AACS: variants seen among roughly 807,000 people sequenced by gnomAD.
The protein encoded by AACS is acetoacetate-CoA ligase.
In AACS, 69 loss-of-function variants were observed where a neutral mutation model predicts 83.1. The ratio of observed to expected loss-of-function variants is 0.83; its 90% CI spans 0.68 to 1.01. The LOEUF is 1.01. AACS is among the 50% of genes least tolerant of loss of function. The pLI, the probability that AACS is intolerant of heterozygous loss-of-function variation, is 0.00. For synonymous variants in AACS, 333 were observed against 343.4 expected (o/e 0.97, Z 0.33); for missense variants, 866 against 882.2 (o/e 0.98, Z 0.23).
At position 125,091,536 on chromosome 12, in the gene AACS, C is replaced by G; in HGVS notation, c.570+13C>G. 6.2e-7 allele frequency: 1 copy of G among 1,613,648 alleles called. No individual in the cohort carries two copies. The highest frequency in any genetic ancestry group is 8.5e-7 in the Non-Finnish European group (1 of 1,179,528). ...CTTCGGTGTGAATGTGAGTCAGGGTCTGTGACAGAGGGGGCACCCCTTGCC... is the reference window on the plus strand; with the variant it reads ...CTTCGGTGTGAATGTGAGTCAGGGTGTGTGACAGAGGGGGCACCCCTTGCC... On this transcript the variant is annotated intron_variant, in intron 5 of 17. Transcript: ENST00000316519.
chr12:125,086,338 A>C lies in AACS; in HGVS notation c.367A>C (p.Lys123Gln). Residue 123 changes from lysine to glutamine, a missense_variant, in exon 4 of 18, where the codon AAA becomes CAA. Coordinates refer to ENST00000316519, the MANE Select transcript of AACS (RefSeq NM_023928.5). ...RVALYIAREG[K>Q]EEIVKVTFEE... is the part of the protein sequence containing the mutation. ...CCTTTTTCTCTTCCCAGGGGAAGGC[A>C]AAGAGGAAATTGTGAAGGTGACTTT... is the stretch of plus-strand genomic sequence containing the variant. The C allele has an allele frequency of 6.2e-7, 1 of 1,614,140 alleles. No individual in the cohort carries two copies.
intron 3 of AACS, among the ~76,000 whole-genome samples, chr12:125,086,025 A>G (rs951045270): frequency 6.6e-6 from 1 of 152,160 alleles, no homozygotes; most frequent in African/African-American, 2.4e-5. Context: ...TCCTGGGCTC[A>G]AGCAGTCCTC....
intron 10 of AACS, chr12:125,123,527 A>G (rs1223728326): frequency 6.6e-6 from 1 of 152,250 alleles, no homozygotes; most frequent in Non-Finnish European, 1.5e-5. Context: ...TGGAAGGACC[A>G]TGGTAACCCG....
Position 125,114,654 on chromosome 12 carries a change from G to A in AACS, c.996+97G>A, listed in dbSNP as rs183700099. On this transcript the variant is annotated intron_variant, in intron 9 of 17. Transcript: ENST00000316519. Reference sequence around the variant, plus strand: ...CATAGTAAGGACTTCCCCAGGCGCCGGCCCGTGGCACATGGTAAGGGCTTC... The same window carrying A: ...CATAGTAAGGACTTCCCCAGGCGCCAGCCCGTGGCACATGGTAAGGGCTTC... The A allele has an allele frequency of 3.2e-3, 3,322 of 1,031,822 alleles. 33 individuals carry two copies. Among genetic ancestry groups the A allele is most frequent in the Middle Eastern group, 9.3e-3 (31 of 3,322 alleles). The allele number at this position is 1,031,822 out of a possible 1,614,324, so 63.9% of individuals were successfully genotyped here. A position where few individuals can be genotyped will look rare whatever the true frequency, so the allele number is the denominator to read the frequency against.
chr12:125,080,776 C>T (rs903222092), intron 3 of AACS, among the ~76,000 whole-genome samples: 5 of 151,888 alleles, frequency 3.3e-5, no homozygotes, highest in African/African-American at 1.2e-4. Flanking sequence ...ACTGCAAGCT[C>T]CTCCTCCCGG....
intron 4 of AACS, among the ~76,000 whole-genome samples, chr12:125,089,405 C>G (rs1956412080): frequency 6.6e-6 from 1 of 152,156 alleles, no homozygotes; most frequent in Non-Finnish European, 1.5e-5. Context: ...TCTGATGAGG[C>G]CTTGTTCATG....
At chr12:125,114,847 ACATGGTAAGGGCTTCCCCG>A (rs1158391614) in intron 9 of AACS, among the ~76,000 whole-genome samples, 5 of 148,018 alleles carry the variant, frequency 3.4e-5, no homozygotes, top group Non-Finnish European at 7.4e-5. Flanking sequence ...GGCCCGTGGC[ACATGGTAAGGGCTTCCCCG>A]GGCGCCGGCC....
chr12:125,124,812 A>C (rs1957219404), intron 11 of AACS, 43 bp downstream of exon 11: 1 of 1,613,940 alleles, frequency 6.2e-7, no homozygotes, highest in Admixed American at 1.7e-5. Context: ...ACTGCCAATC[A>C]AGGAAATTAA....
In AACS at chr12:125,133,878, A is replaced by T. The variant is rs533703016; in HGVS notation, c.1550-125A>T. On this transcript the variant is annotated intron_variant, in intron 14 of 17. Coordinates refer to ENST00000316519, the MANE Select transcript of AACS (RefSeq NM_023928.5). The stretch of plus-strand genomic sequence containing the variant: ...AACTGTCTGGCTCCCTCTGGCCCCC[A>T]GCCCCATGCCAGACCTGCCTCTGGG... The T allele has an allele frequency of 7.7e-6, 7 of 910,350 alleles. No homozygotes were observed. The East Asian group carries it at 1.8e-4, about 24-fold the overall frequency. 56.4% of individuals were successfully genotyped at this position (910,350 alleles called of 1,614,324 possible).
chr12:125,103,147 C>A, intron 7 of AACS, 66 bp downstream of exon 7: 1 of 1,379,840 alleles, frequency 7.2e-7, no homozygotes, highest in Non-Finnish European at 1.0e-6. Flanking sequence ...GGGAAGTAGG[C>A]CTCTGGATCT....
At chr12:125,071,411 T>G (rs2136031190) in intron 1 of AACS, among the ~76,000 whole-genome samples, 1 of 152,218 alleles carries the variant, frequency 6.6e-6, no homozygotes, top group East Asian at 1.9e-4. Context: ...TACTCACTTT[T>G]CTCAGGAGAA....
chr12:125,125,049 T>A (rs1415767654), intron 12 of AACS, 25 bp downstream of exon 12: 11 of 1,613,480 alleles, frequency 6.8e-6, no homozygotes, highest in Non-Finnish European at 9.3e-6. Flanking sequence ...GGGACAGTCC[T>A]TCCAGCCATC....
At chr12:125,065,893 A>G (rs1218628854) in intron 1 of AACS, among the ~76,000 whole-genome samples, 176 bp downstream of exon 1, 4 of 152,114 alleles carry the variant, frequency 2.6e-5, no homozygotes, top group Admixed American at 2.0e-4. Flanking sequence ...ACCCCTCCAC[A>G]GCACCTCCTG....
chr12:125,070,119 G>A (rs549100537), intron 1 of AACS, among the ~76,000 whole-genome samples: 2 of 152,324 alleles, frequency 1.3e-5, no homozygotes, highest in African/African-American at 4.8e-5. Context: ...AAGGTTACCA[G>A]GTGGAAGTTG....
intron 4 of AACS, among the ~76,000 whole-genome samples, chr12:125,090,228 T>C (rs201021770): frequency 0.97 from 108,625 of 112,040 alleles, 52,976 homozygotes; most frequent in Admixed American, 0.98. Flanking sequence ...TCCATCCATT[T>C]ATTATGCTTC....
At chr12:125,142,024 T>C (rs1439868206) in intron 17 of AACS, 68 bp from the exon 18 acceptor site, 1 of 1,591,178 alleles carries the variant, frequency 6.3e-7, no homozygotes, top group African/African-American at 1.3e-5. Flanking sequence ...GGCCTGGATA[T>C]ATCCAGGGCT....
chr12:125,087,005 A>G lies in AACS; in HGVS notation c.472+562A>G, dbSNP rs112060253. Among the ~76,000 whole-genome samples the G allele has an allele frequency of 9.6e-4, 146 of 152,148 alleles. 2 individuals are homozygous for G. Among genetic ancestry groups the G allele is most frequent in the African/African-American group, 3.3e-3 (139 of 41,502 alleles). ...AGGAGGCCACAGGCCTGGAGGCAGCAAGCAGGAGGCGTCTACACGGGCATT... is the reference window on the plus strand; with the variant it reads ...AGGAGGCCACAGGCCTGGAGGCAGCGAGCAGGAGGCGTCTACACGGGCATT... On this transcript the variant is annotated intron_variant, in intron 4 of 17. Coordinates refer to ENST00000316519, the MANE Select transcript of AACS (RefSeq NM_023928.5).
intron 5 of AACS, among the ~76,000 whole-genome samples, chr12:125,098,372 T>C (rs1010896854): frequency 4.6e-5 from 7 of 151,452 alleles, no homozygotes; most frequent in African/African-American, 7.3e-5. Context: ...CTAGCCTGGG[T>C]GACAGGGCAG....
At chr12:125,065,746 C>CG in intron 1 of AACS, 29 bp downstream of exon 1, 1 of 1,508,708 alleles carries the variant, frequency 6.6e-7, no homozygotes, top group Non-Finnish European at 8.9e-7. Flanking sequence ...GCCGGGCCTG[C>CG]GGGGGATGGG....
Sources: allele counts gnomAD v4.1 joint callset (sites outside exome capture counted in the v4.1 genomes callset), GRCh38; gene constraint gnomAD v4.1.1; transcripts MANE v1.5; gene names NCBI Gene and HGNC (gene_info 2026-07-23, HGNC 2026-07-21).